CSGALNACT1: variants seen among roughly 807,000 people sequenced by gnomAD.
CSGALNACT1 encodes beta4GalNAcT-1.
A neutral mutation model predicts 51.0 loss-of-function variants in CSGALNACT1; 52 were observed. The observed-to-expected ratio is 1.02, with a 90% CI of 0.82 to 1.29. CSGALNACT1 has a LOEUF of 1.29. CSGALNACT1 is among the 50% of genes most tolerant of loss of function. The probability of loss-of-function intolerance (pLI) is 0.00; values close to 1 mark genes in which losing one functional copy is unlikely to be tolerated. For missense variants in CSGALNACT1, 935 were observed against 679.2 expected, an observed-to-expected ratio of 1.38 and a Z score of -4.19; for synonymous variants, 341 against 254.4, an observed-to-expected ratio of 1.34 and a Z score of -3.24.
At chr8:19,646,429 G>A (rs901360791) in intron 1 of CSGALNACT1, among the ~76,000 whole-genome samples, 4 of 152,178 alleles carry the variant, frequency 2.6e-5, no homozygotes, top group African/African-American at 9.7e-5. Flanking sequence ...ATAATTTGAA[G>A]AGATACTGAA....
intron 1 of CSGALNACT1, among the ~76,000 whole-genome samples, chr8:19,649,093 A>G (rs2057537883): frequency 6.6e-6 from 1 of 152,218 alleles, no homozygotes; most frequent in African/African-American, 2.4e-5. Context: ...CTGTGTGCCA[A>G]TAATTGTTAG....
chr8:19,426,207 G>A (rs949979048), intron 6 of CSGALNACT1, among the ~76,000 whole-genome samples: 3 of 152,170 alleles, frequency 2.0e-5, no homozygotes, highest in East Asian at 1.9e-4. Context: ...TCCTGAGGAG[G>A]GTGCTGCATG....
chr8:19,429,302 C>T (rs2059295053), intron 6 of CSGALNACT1, among the ~76,000 whole-genome samples: 1 of 152,014 alleles, frequency 6.6e-6, no homozygotes, highest in South Asian at 2.1e-4. Context: ...TCAGCCTCCC[C>T]AGTACCTGGG....
intron 3 of CSGALNACT1, among the ~76,000 whole-genome samples, chr8:19,520,369 A>C (rs532433296): frequency 6.6e-6 from 1 of 152,234 alleles, no homozygotes; most frequent in African/African-American, 2.4e-5. Flanking sequence ...TTTTGGTAAA[A>C]GTAAGACCTA....
intron 1 of CSGALNACT1, among the ~76,000 whole-genome samples, chr8:19,609,713 G>A (rs556056189): frequency 6.6e-6 from 1 of 152,136 alleles, no homozygotes; most frequent in East Asian, 1.9e-4. Flanking sequence ...GATTACTGAC[G>A]GGCACATGAA....
intron 4 of CSGALNACT1, among the ~76,000 whole-genome samples, chr8:19,467,212 C>G (rs1471555413): frequency 6.9e-6 from 1 of 144,802 alleles, no homozygotes; most frequent in Non-Finnish European, 1.5e-5. Flanking sequence ...CTCTGACTCT[C>G]GGTTTCACAG....
intron 1 of CSGALNACT1, among the ~76,000 whole-genome samples, chr8:19,640,212 C>T (rs548580472): frequency 7.3e-4 from 111 of 152,292 alleles, no homozygotes; most frequent in African/African-American, 2.6e-3. Context: ...ACTTGCCAGC[C>T]ACACATCAGT....
intron 5 of CSGALNACT1, among the ~76,000 whole-genome samples, chr8:19,453,724 G>T (rs898284744): frequency 1.3e-5 from 2 of 152,006 alleles, no homozygotes; most frequent in Admixed American, 1.3e-4. Context: ...CCAGCCTGGC[G>T]AACATGGTGA....
intron 7 of CSGALNACT1, 23 bp downstream of exon 6, chr8:19,420,317 C>T (rs747498991): frequency 7.4e-6 from 12 of 1,613,086 alleles, no homozygotes; most frequent in African/African-American, 1.3e-5. Flanking sequence ...GCCACCTGAG[C>T]GTGACAGAGA....
chr8:19,508,774 G>T (rs1296857377), intron 3 of CSGALNACT1, among the ~76,000 whole-genome samples: 1 of 152,160 alleles, frequency 6.6e-6, no homozygotes, highest in Non-Finnish European at 1.5e-5. Flanking sequence ...TTCTCTCAGG[G>T]TTTTCTAATA....
At chr8:19,728,014 C>T (rs144026311) in intron 1 of CSGALNACT1, among the ~76,000 whole-genome samples, 15 of 152,270 alleles carry the variant, frequency 9.9e-5, no homozygotes, top group African/African-American at 2.9e-4. Flanking sequence ...TGGAGTTCTA[C>T]GCGCGATGCT....
upstream of CSGALNACT1, among the ~76,000 whole-genome samples, chr8:19,683,400 CA>C (rs1223816125): frequency 1.3e-5 from 2 of 151,892 alleles, no homozygotes; most frequent in African/African-American, 2.4e-5. Flanking sequence ...AGAAGCAAGG[CA>C]AAAAAAGCTC....
In CSGALNACT1 at chr8:19,565,476, T is replaced by C. The variant is rs1227316330; in HGVS notation, c.-297+25684A>G. ...ATGACATTCATTCATCTCAGGTAGT[T>C]AGAGATATCTTTCCAACTCAAGATC... is the stretch of plus-strand genomic sequence containing the variant. On this transcript the variant is annotated intron_variant, in intron 3 of 9. Coordinates refer to ENST00000454498, the Ensembl canonical transcript of CSGALNACT1. Among the ~76,000 whole-genome samples the C allele has an allele frequency of 2.6e-5, 4 of 152,260 alleles. No homozygotes were observed. The East Asian group carries it at 7.7e-4, about 29-fold the overall frequency.
chr8:19,440,406 G>C (rs1241609803), intron 5 of CSGALNACT1, among the ~76,000 whole-genome samples: 1 of 151,838 alleles, frequency 6.6e-6, no homozygotes, highest in Non-Finnish European at 1.5e-5. Flanking sequence ...TGCAAGGCTG[G>C]TTCAATATAT....
chr8:19,466,637 T>TA (rs1186518877), intron 4 of CSGALNACT1, among the ~76,000 whole-genome samples: 2 of 152,250 alleles, frequency 1.3e-5, no homozygotes, highest in African/African-American at 4.8e-5. Context: ...CAGCTGTTTT[T>TA]ATAGGTAAAG....
intron 3 of CSGALNACT1, among the ~76,000 whole-genome samples, chr8:19,514,486 T>C (rs2079099258): frequency 1.2e-5 from 1 of 81,742 alleles, no homozygotes; most frequent in Non-Finnish European, 2.7e-5. Flanking sequence ...TATATATATA[T>C]ATATATATAT....
At chr8:19,556,663 G>A (rs942889023) in intron 3 of CSGALNACT1, among the ~76,000 whole-genome samples, 7 of 152,128 alleles carry the variant, frequency 4.6e-5, no homozygotes, top group African/African-American at 1.7e-4. Context: ...TCTGCTGCAA[G>A]CAGGCACAAG....
chr8:19,540,956 G>A (rs923028763), intron 3 of CSGALNACT1, among the ~76,000 whole-genome samples: 1 of 152,126 alleles, frequency 6.6e-6, no homozygotes, highest in Non-Finnish European at 1.5e-5. Flanking sequence ...CACTCTCCAA[G>A]CCCCTACCCT....
intron 1 of CSGALNACT1, among the ~76,000 whole-genome samples, chr8:19,753,851 TA>T (rs1365420228): frequency 6.6e-6 from 1 of 152,174 alleles, no homozygotes; most frequent in Non-Finnish European, 1.5e-5. Flanking sequence ...TTCTGGCAAA[TA>T]AAAACACAAA....
Sources: allele counts gnomAD v4.1 joint callset (sites outside exome capture counted in the v4.1 genomes callset), GRCh38; gene constraint gnomAD v4.1.1; transcripts MANE v1.5; gene names NCBI Gene and HGNC (gene_info 2026-07-23, HGNC 2026-07-21).